YWHAE: variants seen among roughly 807,000 people sequenced by gnomAD.
YWHAE encodes the protein tyrosine 3-monooxygenase/tryptophan 5-monooxygenase activation protein epsilon.
Under a neutral mutation model 30.1 loss-of-function variants are expected in YWHAE, and 4 were observed. That is an observed-to-expected ratio of 0.13 (90% CI 0.07 to 0.30). The LOEUF (loss-of-function observed/expected upper bound fraction) is 0.30. YWHAE is among the 10% of genes least tolerant of loss of function. The probability of loss-of-function intolerance (pLI) is 1.00; values close to 1 mark genes in which losing one functional copy is unlikely to be tolerated. For missense variants in YWHAE, 121 were observed against 315.9 expected, an observed-to-expected ratio of 0.38 and a Z score of 4.68; for synonymous variants, 118 against 111.8, an observed-to-expected ratio of 1.06 and a Z score of -0.35.
In YWHAE at chr17:1,345,023, T is replaced by C. The variant is rs2150832990; in HGVS notation, c.*424A>G. On this transcript the variant is annotated 3_prime_UTR_variant, in exon 6 of 6. Transcript: ENST00000264335. ...CTGGTATAAAACACAGTTTAAACAATTAGAAAAATGAAAACTGATACCACT... is the reference window on the plus strand; with the variant it reads ...CTGGTATAAAACACAGTTTAAACAACTAGAAAAATGAAAACTGATACCACT... 4.2e-6 allele frequency: 1 copy of C among 240,618 alleles called. No individual in the cohort carries two copies. The highest frequency in any genetic ancestry group is 6.0e-5 in the East Asian group (1 of 16,708). The allele number at this position is 240,618 out of a possible 1,614,324, so 14.9% of individuals were successfully genotyped here.
chr17:1,350,006 G>A (rs1262870624), intron 5 of YWHAE, among the ~76,000 whole-genome samples: 2 of 150,548 alleles, frequency 1.3e-5, no homozygotes, highest in African/African-American at 2.5e-5. Context: ...AGGCTGGAGT[G>A]CAACGGCGCG....
chr17:1,397,195 G>A (rs931655477), intron 1 of YWHAE, among the ~76,000 whole-genome samples: 7 of 152,148 alleles, frequency 4.6e-5, no homozygotes, highest in African/African-American at 7.2e-5. Flanking sequence ...CACCCCGCCC[G>A]GCCTTTCTTC....
intron 4 of YWHAE, among the ~76,000 whole-genome samples, chr17:1,355,126 A>ACC (rs1567958076): frequency 5.9e-4 from 29 of 48,952 alleles, no homozygotes; most frequent in African/African-American, 1.6e-3. Flanking sequence ...TAAAAAAAAA[A>ACC]AAAAAAAAAA....
intron 5 of YWHAE, 42 bp from the exon 6 acceptor site, chr17:1,345,541 C>T (rs2072502227): frequency 1.9e-6 from 3 of 1,589,810 alleles, no homozygotes; most frequent in African/African-American, 2.7e-5. Context: ...GTATTGACTA[C>T]ATTAGGCTAT....
intron 4 of YWHAE, among the ~76,000 whole-genome samples, chr17:1,355,140 AAAAAAAAAT>A (rs2072716239): frequency 9.4e-5 from 10 of 106,536 alleles, no homozygotes; most frequent in Non-Finnish European, 1.9e-4. Context: ...AAAAAAAAAA[AAAAAAAAAT>A]TTTTTTTTTT....
In YWHAE at chr17:1,381,933, A is replaced by AG. The variant is rs1555644988; in HGVS notation, c.65-16876dup. Among the ~76,000 whole-genome samples, 204 of 143,910 alleles carry AG rather than the reference A, an allele frequency of 1.4e-3. 4 individuals are homozygous for AG. Among genetic ancestry groups the AG allele is most frequent in the East Asian group, 0.013 (60 of 4,618 alleles). 94.4% of individuals were successfully genotyped at this position (143,910 alleles called of 152,430 possible). A position where few individuals can be genotyped will look rare whatever the true frequency, so the allele number is the denominator to read the frequency against. ...GTCAAAAAAAAAAAAAAAAAAAAAA[A>AG]GACAGGCAGACAGAAAAGGAAAAAA... is the stretch of plus-strand genomic sequence containing the variant. On this transcript the variant is annotated intron_variant, in intron 1 of 5. Coordinates refer to ENST00000264335, the MANE Select transcript of YWHAE (RefSeq NM_006761.5).
intron 4 of YWHAE, among the ~76,000 whole-genome samples, chr17:1,357,825 G>A (rs1051228463): frequency 1.3e-5 from 2 of 151,720 alleles, no homozygotes; most frequent in African/African-American, 2.4e-5. Context: ...TACCTGGGAG[G>A]CTGAAGCAGG....
At chr17:1,352,747 G>A (rs1051497912) in intron 5 of YWHAE, among the ~76,000 whole-genome samples, 1 of 152,118 alleles carries the variant, frequency 6.6e-6, no homozygotes, top group African/African-American at 2.4e-5. Flanking sequence ...GGATGGTCTC[G>A]ATCTCCTGAC....
chr17:1,373,803 C>G (rs549582481), intron 1 of YWHAE, among the ~76,000 whole-genome samples: 2 of 152,230 alleles, frequency 1.3e-5, no homozygotes, highest in South Asian at 2.1e-4. Context: ...TCCATTTGTT[C>G]TGTAAAAATG....
At chr17:1,359,688 G>A (rs118123201) in intron 4 of YWHAE, among the ~76,000 whole-genome samples, 1,853 of 151,762 alleles carry the variant, frequency 0.012, 30 homozygotes, top group East Asian at 0.052. Context: ...TAGCAGCTAG[G>A]GAGAGGGGAA....
At chr17:1,397,081 TAG>T (rs527527424) in intron 1 of YWHAE, among the ~76,000 whole-genome samples, 3 of 151,796 alleles carry the variant, frequency 2.0e-5, no homozygotes, top group South Asian at 4.2e-4. Context: ...TTTATTTTTG[TAG>T]AGACAGGGTT....
At chr17:1,377,245 G>A (rs1254720865) in intron 1 of YWHAE, among the ~76,000 whole-genome samples, 1 of 152,068 alleles carries the variant, frequency 6.6e-6, no homozygotes, top group African/African-American at 2.4e-5. Flanking sequence ...GAAAAATGAA[G>A]CTAAGAGTAA....
chr17:1,370,561 G>C (rs982512628), intron 1 of YWHAE, among the ~76,000 whole-genome samples: 1 of 152,056 alleles, frequency 6.6e-6, no homozygotes, highest in Non-Finnish European at 1.5e-5. Flanking sequence ...CTCCCAAGTA[G>C]CTGAGACTAC....
intron 4 of YWHAE, 29 bp from the exon 5 acceptor site, chr17:1,354,376 A>C (rs1217851432): frequency 6.2e-7 from 1 of 1,601,606 alleles, no homozygotes; most frequent in Non-Finnish European, 8.5e-7. Flanking sequence ...AAGTGTTATA[A>C]AAATTAAGTC....
chr17:1,379,734 T>C (rs966017473), intron 1 of YWHAE, among the ~76,000 whole-genome samples: 1 of 152,176 alleles, frequency 6.6e-6, no homozygotes, highest in Non-Finnish European at 1.5e-5. Context: ...CGATGAGTTA[T>C]GAAGGAAGGA....
chr17:1,364,825 T>C, intron 2 of YWHAE, 34 bp downstream of exon 2: 2 of 1,613,474 alleles, frequency 1.2e-6, no homozygotes, highest in Non-Finnish European at 1.7e-6. Flanking sequence ...ACTCAAACTG[T>C]GGATAAGGGG....
intron 2 of YWHAE, among the ~76,000 whole-genome samples, chr17:1,363,076 C>A (rs757259347): frequency 2.6e-5 from 4 of 152,116 alleles, no homozygotes; most frequent in Non-Finnish European, 4.4e-5. Flanking sequence ...CAGCCATGTT[C>A]CATTCAACAG....
chr17:1,354,884 G>A (rs978020144), intron 4 of YWHAE, among the ~76,000 whole-genome samples: 1 of 148,842 alleles, frequency 6.7e-6, no homozygotes, highest in Admixed American at 6.7e-5. Flanking sequence ...GGATGGTCTC[G>A]ATCTCCTGAC....
intron 5 of YWHAE, among the ~76,000 whole-genome samples, chr17:1,351,192 CTAT>C (rs2072625864): frequency 6.6e-6 from 1 of 151,962 alleles, no homozygotes; most frequent in Non-Finnish European, 1.5e-5. Flanking sequence ...AACCCCGTCT[CTAT>C]TAAAAATACA....
Sources: gnomAD v4.1 joint callset for allele counts (sites outside exome capture counted in the v4.1 genomes callset) on GRCh38, gnomAD v4.1.1 for gene constraint, MANE v1.5 for transcripts, NCBI Gene and HGNC (gene_info 2026-07-23, HGNC 2026-07-21) for gene names.